Variants in CAPSL observed in about 807,000 individuals in gnomAD.
The protein encoded by CAPSL is calcyphosine like.
A neutral mutation model predicts 21.3 loss-of-function variants in CAPSL; 17 were observed. The ratio of observed to expected loss-of-function variants is 0.80; its 90% CI spans 0.55 to 1.20. CAPSL has a LOEUF of 1.20. CAPSL is among the 50% of genes most tolerant of loss of function. The pLI is 0.00. For synonymous variants in CAPSL, 102 were observed against 89.3 expected (o/e 1.14, Z -0.80); for missense variants, 289 against 259.3 (o/e 1.11, Z -0.79).
At chr5:35,908,743 C>T (rs1319979100) in intron 4 of CAPSL, among the ~76,000 whole-genome samples, 1 of 152,190 alleles carries the variant, frequency 6.6e-6, no homozygotes, top group East Asian at 1.9e-4. Context: ...CCTCCACAAT[C>T]CTCAGCCTGA....
Position 35,923,022 on chromosome 5 carries a change from T to G in CAPSL, c.1-1902A>C, listed in dbSNP as rs74491627. ...GGAACTGGTGTCAACAACATGCCCT[T>G]CTCATTCTCTAAACCCACCTCAGAG... On this transcript the variant is annotated intron_variant, in intron 1 of 4. Coordinates refer to ENST00000651391, the MANE Select transcript of CAPSL (RefSeq NM_001042625.2). Among the ~76,000 whole-genome samples, 24 of 152,236 alleles carry G rather than the reference T, an allele frequency of 1.6e-4. No individual in the cohort carries two copies. The East Asian group carries it at 4.2e-3, about 27-fold the overall frequency.
chr5:35,928,156 A>G (rs1216728071), intron 1 of CAPSL, among the ~76,000 whole-genome samples: 1 of 152,156 alleles, frequency 6.6e-6, no homozygotes, highest in Non-Finnish European at 1.5e-5. Flanking sequence ...GAAGAGATGG[A>G]AGGGCAAAAA....
Position 35,910,534 on chromosome 5 carries a change from T to G in CAPSL, c.147A>C (p.Arg49Ser). 6.3e-7 allele frequency: 1 copy of G among 1,599,614 alleles called. No homozygotes were observed. The highest frequency in any genetic ancestry group is 8.5e-7 in the Non-Finnish European group (1 of 1,169,886). ...TTCGATTATTATCGTCATCCATAAT[T>G]CTAAACACTCTGAAGAAAATACACA... is the stretch of plus-strand genomic sequence containing the variant. ...AGIKGLGRVF[R>S]IMDDDNNRTL... Residue 49 changes from arginine to serine, a missense_variant, in exon 3 of 5, where the codon AGA becomes AGC. Transcript: ENST00000651391.
Position 35,907,427 on chromosome 5 carries a change from A to G in CAPSL, c.525+2439T>C, listed in dbSNP as rs116548044. Among the ~76,000 whole-genome samples, 950 of 152,344 alleles carry G rather than the reference A, an allele frequency of 6.2e-3. 8 individuals are homozygous for G. Among genetic ancestry groups the G allele is most frequent in the Middle Eastern group, 0.014 (4 of 294 alleles). On this transcript the variant is annotated intron_variant, in intron 4 of 4. Transcript: ENST00000651391. The stretch of plus-strand genomic sequence containing the variant: ...ATAGTGATGATAAAGTCATATATAC[A>G]CATGAAGAATTCAAAACTTAGATAT...
Position 35,921,431 on chromosome 5 carries a change from T to G in CAPSL, c.1-311A>C, listed in dbSNP as rs113306747. Among the ~76,000 whole-genome samples the G allele has an allele frequency of 7.5e-3, 1,138 of 152,332 alleles. 14 individuals are homozygous for G. The highest frequency in any genetic ancestry group is 0.025 in the African/African-American group (1,021 of 41,566). On this transcript the variant is annotated intron_variant, in intron 1 of 4. Transcript: ENST00000651391. ...GAAGTGCAATTTCTCTATACTCTCT[T>G]TTTTGAACCAACATTATATACCATA...
rs199786063 is a variant in CAPSL, at chr5:35,932,596, TA to T, written c.-1+5944del. Among the ~76,000 whole-genome samples the T allele has an allele frequency of 1.1e-3, 164 of 152,300 alleles. 3 individuals carry two copies. In the East Asian group the frequency reaches 0.028, roughly 26 times the overall value. On this transcript the variant is annotated intron_variant, in intron 1 of 4. Transcript: ENST00000651391. ...TTTGCCACCCCTAAGGTTCTGTTTA[TA>T]AAAAAGAAGACAGTGGCTATTGAGT...
At position 35,919,160 on chromosome 5, in the gene CAPSL, T is replaced by TTAAAAAAAA. The variant is rs139738118; in HGVS notation, c.137+1823_137+1824insTTTTTTTTA. 7.4e-4 allele frequency among the ~76,000 whole-genome samples: 96 copies of TTAAAAAAAA among 129,192 alleles called. 1 individual carries two copies. The highest frequency in any genetic ancestry group is 1.2e-3 in the Non-Finnish European group (73 of 62,660). 84.8% of individuals were successfully genotyped at this position (129,192 alleles called of 152,430 possible). The stretch of plus-strand genomic sequence containing the variant: ...CTGGTTAGCTAGTATCTTTCCTGAT[T>TTAAAAAAAA]AAAAAAAAAAATATATATATATATA... On this transcript the variant is annotated intron_variant, in intron 2 of 4. Transcript: ENST00000651391.
intron 2 of CAPSL, among the ~76,000 whole-genome samples, chr5:35,913,229 T>G (rs1738280289): frequency 6.6e-6 from 1 of 152,290 alleles, no homozygotes; most frequent in Non-Finnish European, 1.5e-5. Flanking sequence ...AATCTATGTC[T>G]GATTGGTGTA....
chr5:35,922,385 C>T (rs1375230338), intron 1 of CAPSL, among the ~76,000 whole-genome samples: 4 of 152,226 alleles, frequency 2.6e-5, no homozygotes, highest in South Asian at 2.1e-4. Context: ...CAGCCTCCAC[C>T]GAGCCAAGGT....
chr5:35,908,321 T>C (rs1421979303), intron 4 of CAPSL, among the ~76,000 whole-genome samples: 1 of 152,186 alleles, frequency 6.6e-6, no homozygotes, highest in Non-Finnish European at 1.5e-5. Flanking sequence ...CAGAGTTGGG[T>C]ATCAATACAG....
At chr5:35,937,768 T>C (rs1738989908) in intron 1 of CAPSL, among the ~76,000 whole-genome samples, 1 of 151,870 alleles carries the variant, frequency 6.6e-6, no homozygotes, top group African/African-American at 2.4e-5. Flanking sequence ...GAAATTCAAA[T>C]CTCAATATTT....
chr5:35,921,093 C>G lies in CAPSL; in HGVS notation c.28G>C (p.Glu10Gln), dbSNP rs763465521. The change falls in exon 2 of 5, where the codon GAG becomes CAG. Residue 10 changes from glutamate to glutamine, a missense_variant. Physicochemically the swap from Glu to Gln is conservative, Grantham distance 29. Coordinates refer to ENST00000651391, the MANE Select transcript of CAPSL (RefSeq NM_001042625.2). ...TTTTTCTTGGCCTGGATCGCCATCTCTCGGTCATGGCGCGCTGTCCCTGCC... is the reference window on the plus strand; with the variant it reads ...TTTTTCTTGGCCTGGATCGCCATCTGTCGGTCATGGCGCGCTGTCCCTGCC... MAGTARHDR[E>Q]MAIQAKKKLT... The G allele has an allele frequency of 1.2e-5, 20 of 1,613,944 alleles. No homozygotes were observed. Among genetic ancestry groups the G allele is most frequent in the Admixed American group, 1.7e-5 (1 of 60,006 alleles).
intron 2 of CAPSL, among the ~76,000 whole-genome samples, chr5:35,913,986 C>T (rs1738301335): frequency 6.6e-6 from 1 of 152,086 alleles, no homozygotes; most frequent in South Asian, 2.1e-4. Context: ...GAGACACACA[C>T]AGGCTCACAA....
chr5:35,925,707 T>G (rs1379177976), intron 1 of CAPSL, among the ~76,000 whole-genome samples: 1 of 151,824 alleles, frequency 6.6e-6, no homozygotes, highest in African/African-American at 2.4e-5. Flanking sequence ...AAAGTCTTCT[T>G]AAAAGGGGAA....
At chr5:35,932,784 G>A (rs1738853867) in intron 1 of CAPSL, among the ~76,000 whole-genome samples, 1 of 152,190 alleles carries the variant, frequency 6.6e-6, no homozygotes, top group Admixed American at 6.5e-5. Context: ...AGAAGACTAA[G>A]GAAAGCCCTA....
intron 1 of CAPSL, among the ~76,000 whole-genome samples, chr5:35,936,257 A>G (rs750724117): frequency 1.2e-4 from 18 of 151,730 alleles, no homozygotes; most frequent in Non-Finnish European, 1.9e-4. Flanking sequence ...ACTTCCTCCC[A>G]TCTAAGGATG....
intron 1 of CAPSL, among the ~76,000 whole-genome samples, chr5:35,934,255 C>A (rs898618838): frequency 7.9e-5 from 12 of 152,218 alleles, no homozygotes; most frequent in Non-Finnish European, 1.6e-4. Flanking sequence ...GAGCACCTCA[C>A]CACCACCTCC....
At chr5:35,929,965 G>T (rs1366854324) in intron 1 of CAPSL, among the ~76,000 whole-genome samples, 2 of 152,076 alleles carry the variant, frequency 1.3e-5, no homozygotes, top group Admixed American at 1.3e-4. Context: ...ATGTGTGAGG[G>T]TTTTTAAATC....
intron 2 of CAPSL, 81 bp downstream of exon 2, chr5:35,920,903 G>T: frequency 6.8e-7 from 1 of 1,479,114 alleles, no homozygotes; most frequent in South Asian, 1.3e-5. Context: ...ACTTCCCCAA[G>T]ACCACGTGGC....
Sources: gnomAD v4.1 joint callset for allele counts (sites outside exome capture counted in the v4.1 genomes callset) on GRCh38, gnomAD v4.1.1 for gene constraint, MANE v1.5 for transcripts, NCBI Gene and HGNC (gene_info 2026-07-23, HGNC 2026-07-21) for gene names.